PDE7B: variants seen among roughly 807,000 people sequenced by gnomAD.
PDE7B encodes the protein phosphodiesterase 7B.
A neutral mutation model predicts 56.2 loss-of-function variants in PDE7B; 29 were observed. The observed-to-expected ratio is 0.52, with a 90% CI of 0.38 to 0.70. The LOEUF is 0.70. Ranked by LOEUF, PDE7B falls within the 30% of genes least tolerant of loss-of-function variation. The pLI is 0.00. For missense variants in PDE7B, 490 were observed against 565.0 expected (o/e 0.87, Z 1.35); for synonymous variants, 197 against 196.9 (o/e 1.00, Z 0.00).
chr6:136,064,521 A>G (rs1776901283), intron 2 of PDE7B: 1 of 152,140 alleles, frequency 6.6e-6, no homozygotes, highest in Non-Finnish European at 1.5e-5. Context: ...TCCTCTCCTT[A>G]AAGCTTGAGT....
At chr6:135,960,552 A>T (rs890884034) in intron 2 of PDE7B, among the ~76,000 whole-genome samples, 1 of 152,108 alleles carries the variant, frequency 6.6e-6, no homozygotes, top group African/African-American at 2.4e-5. Context: ...TTCTCCTGCT[A>T]TTCATTTATT....
At position 136,151,275 on chromosome 6, in the gene PDE7B, T is replaced by C. The variant is rs1312429413; in HGVS notation, c.478+20T>C. The C allele has an allele frequency of 8.0e-7, 1 of 1,256,776 alleles. No homozygotes were observed. Among genetic ancestry groups the C allele is most frequent in the South Asian group, 1.2e-5 (1 of 83,830 alleles). 77.9% of individuals were successfully genotyped at this position (1,256,776 alleles called of 1,614,324 possible). On this transcript the variant is annotated intron_variant, in intron 6 of 12. Transcript: ENST00000308191. ...TTTTAGGTAAGTCCTTTTTTTCACA[T>C]TTCTAGCCCCATTCTCTTGAATAAT...
At chr6:136,038,855 CCTGACT>C (rs1237695073) in intron 2 of PDE7B, among the ~76,000 whole-genome samples, 1 of 152,142 alleles carries the variant, frequency 6.6e-6, no homozygotes. Context: ...TAATGGCCAT[CCTGACT>C]CTAACATTTC....
chr6:135,860,449 T>A (rs1359921207), intron 1 of PDE7B, among the ~76,000 whole-genome samples: 3 of 152,070 alleles, frequency 2.0e-5, no homozygotes, highest in Non-Finnish European at 2.9e-5. Context: ...GGATTTAAAT[T>A]GATTAAATGG....
chr6:135,970,436 A>C (rs888867372), intron 2 of PDE7B, among the ~76,000 whole-genome samples: 4 of 113,222 alleles, frequency 3.5e-5, no homozygotes, highest in Non-Finnish European at 7.0e-5. Context: ...AGTGGGGCAA[A>C]ATTATGTGGG....
At chr6:136,125,136 T>C (rs980842361) in intron 3 of PDE7B, among the ~76,000 whole-genome samples, 2 of 152,212 alleles carry the variant, frequency 1.3e-5, no homozygotes, top group Non-Finnish European at 2.9e-5. Flanking sequence ...AAGCGTGGTA[T>C]GGGAACACAG....
At chr6:136,029,122 C>A (rs9402785) in intron 2 of PDE7B, among the ~76,000 whole-genome samples, 42,961 of 152,062 alleles carry the variant, frequency 0.28, 7,397 homozygotes, top group Admixed American at 0.4. Context: ...ATTGCCATTA[C>A]TTTTCATGTT....
At chr6:135,866,800 T>G (rs1418843127) in intron 1 of PDE7B, among the ~76,000 whole-genome samples, 1 of 152,238 alleles carries the variant, frequency 6.6e-6, no homozygotes, top group East Asian at 1.9e-4. Context: ...CATAAAAGAT[T>G]ATTTCCAGGA....
chr6:136,008,520 G>C (rs969335979), intron 2 of PDE7B, among the ~76,000 whole-genome samples: 5 of 152,188 alleles, frequency 3.3e-5, no homozygotes, highest in African/African-American at 1.2e-4. Flanking sequence ...TTTAATGATT[G>C]CCATTCTAAC....
At chr6:135,985,141 G>GGCATTTC (rs1775355073) in intron 2 of PDE7B, among the ~76,000 whole-genome samples, 1 of 152,160 alleles carries the variant, frequency 6.6e-6, no homozygotes, top group African/African-American at 2.4e-5. Flanking sequence ...TTCTCTCTTT[G>GGCATTTC]TGACTATTCT....
rs138385128 is a variant in PDE7B, at chr6:136,138,408, C to T, written c.167-8943C>T. Among the ~76,000 whole-genome samples, 99 of 152,002 alleles carry T rather than the reference C, an allele frequency of 6.5e-4. 1 individual carries two copies. The highest frequency in any genetic ancestry group is 2.0e-3 in the African/African-American group (85 of 41,494). ...TCAGATTGTTATATGAATTTTTTTCCTCCCATCTTCAGCTTCTTATATCTT... is the reference window on the plus strand; with the variant it reads ...TCAGATTGTTATATGAATTTTTTTCTTCCCATCTTCAGCTTCTTATATCTT... On this transcript the variant is annotated intron_variant, in intron 3 of 12. Coordinates refer to ENST00000308191, the MANE Select transcript of PDE7B (RefSeq NM_018945.4).
chr6:136,183,157 G>C (rs1435095044), intron 11 of PDE7B, among the ~76,000 whole-genome samples: 1 of 151,038 alleles, frequency 6.6e-6, no homozygotes, highest in Admixed American at 6.6e-5. Flanking sequence ...GAAAAACCTA[G>C]AACATTTGTA....
intron 8 of PDE7B, among the ~76,000 whole-genome samples, chr6:136,166,796 TACCAAAGTCTGTTGTCAACATAC>T (rs1346433297): frequency 6.6e-6 from 1 of 152,148 alleles, no homozygotes; most frequent in African/African-American, 2.4e-5. Context: ...CCCTTACCCC[TACCAAAGTCTGTTGTCAACATAC>T]ACCAAAAGTG....
intron 2 of PDE7B, among the ~76,000 whole-genome samples, chr6:135,997,583 T>A (rs1775589827): frequency 6.6e-6 from 1 of 152,060 alleles, no homozygotes; most frequent in Non-Finnish European, 1.5e-5. Flanking sequence ...CAGAGATGTT[T>A]CTGCAGCATT....
rs1779300712 is a variant in PDE7B at position 136,195,473 on chromosome 6, A to AG, written c.*3633_*3634insG. 2.0e-5 allele frequency: 3 copies of AG among 151,898 alleles called. No individual in the cohort carries two copies. Among genetic ancestry groups the AG allele is most frequent in the African/African-American group, 7.2e-5 (3 of 41,414 alleles). The allele number at this position is 151,898 out of a possible 1,614,324, so 9.4% of individuals were successfully genotyped here. A position where few individuals can be genotyped will look rare whatever the true frequency, so the allele number is the denominator to read the frequency against. On this transcript the variant is annotated 3_prime_UTR_variant, in exon 13 of 13. Coordinates refer to ENST00000308191, the MANE Select transcript of PDE7B (RefSeq NM_018945.4). ...GAGGTTTGAAAAAAAAAAAAAAAAA[A>AG]AAAAGAACTACCTTGTGAGTTTTGC...
chr6:136,177,740 C>A (rs1025089327), intron 9 of PDE7B, among the ~76,000 whole-genome samples: 1 of 152,082 alleles, frequency 6.6e-6, no homozygotes, highest in African/African-American at 2.4e-5. Context: ...GATAAACATA[C>A]CCTGTCATCC....
chr6:135,978,814 C>T (rs1008774016), intron 2 of PDE7B, among the ~76,000 whole-genome samples: 5 of 151,998 alleles, frequency 3.3e-5, no homozygotes, highest in East Asian at 1.9e-4. Flanking sequence ...ACAATCATGT[C>T]GTCTGCAAAC....
At chr6:135,930,210 G>C (rs542116382) in intron 1 of PDE7B, among the ~76,000 whole-genome samples, 1 of 152,250 alleles carries the variant, frequency 6.6e-6, no homozygotes, top group African/African-American at 2.4e-5. Flanking sequence ...CTTGTGTGGG[G>C]AAACTCTGCC....
intron 3 of PDE7B, among the ~76,000 whole-genome samples, chr6:136,131,307 A>G (rs1423705789): frequency 6.6e-6 from 1 of 152,150 alleles, no homozygotes; most frequent in African/African-American, 2.4e-5. Context: ...TGTGTTTTCT[A>G]GAGGGAAGGT....
Sources: allele counts gnomAD v4.1 joint callset (sites outside exome capture counted in the v4.1 genomes callset), GRCh38; gene constraint gnomAD v4.1.1; transcripts MANE v1.5; gene names NCBI Gene and HGNC (gene_info 2026-07-23, HGNC 2026-07-21).